Variants in ZBTB7C observed in about 807,000 individuals in gnomAD.
ZBTB7C encodes the protein zinc finger and BTB domain-containing protein 7C.
Under a neutral mutation model 25.7 loss-of-function variants are expected in ZBTB7C, and 8 were observed. The observed-to-expected ratio is 0.31, with a 90% CI of 0.18 to 0.56. The LOEUF is 0.56. Ranked by LOEUF, ZBTB7C falls within the 20% of genes least tolerant of loss-of-function variation. The pLI, the probability that ZBTB7C is intolerant of heterozygous loss-of-function variation, is 0.91. For missense variants in ZBTB7C, 824 were observed against 855.2 expected, an observed-to-expected ratio of 0.96 and a Z score of 0.46; for synonymous variants, 394 against 369.0, an observed-to-expected ratio of 1.07 and a Z score of -0.78.
chr18:48,311,159 C>A (rs1331445218), intron 2 of ZBTB7C, among the ~76,000 whole-genome samples: 1 of 152,148 alleles, frequency 6.6e-6, no homozygotes, highest in Admixed American at 6.5e-5. Context: ...ATAGCACCAT[C>A]TGCTTCCTAA....
At chr18:48,178,277 A>G (rs937355428) in intron 3 of ZBTB7C, among the ~76,000 whole-genome samples, 3 of 152,138 alleles carry the variant, frequency 2.0e-5, no homozygotes, top group African/African-American at 7.2e-5. Context: ...TCTGCACGGG[A>G]GGCCCCACAT....
chr18:48,358,122 G>A (rs543290330), intron 1 of ZBTB7C, among the ~76,000 whole-genome samples: 2 of 152,286 alleles, frequency 1.3e-5, no homozygotes, highest in Admixed American at 6.5e-5. Flanking sequence ...AGGCCGAGGC[G>A]GGTGGATCAG....
rs544956996 is a variant in ZBTB7C at position 48,186,644 on chromosome 18, G to A, written c.-78-649C>T. ...TGAACTGTGAATTCTCCTGCATTTC[G>A]CCTGAGTGTGTCATCACTGTAAAGT... On this transcript the variant is annotated intron_variant, in intron 2 of 4. Coordinates refer to ENST00000590800, the MANE Select transcript of ZBTB7C (RefSeq NM_001318841.2). 5.9e-5 allele frequency among the ~76,000 whole-genome samples: 9 copies of A among 152,168 alleles called. No individual in the cohort carries two copies. In the East Asian group the frequency reaches 9.7e-4, roughly 16 times the overall value.
At chr18:48,205,821 C>T (rs1009982321) in intron 2 of ZBTB7C, among the ~76,000 whole-genome samples, 22 of 152,084 alleles carry the variant, frequency 1.4e-4, no homozygotes, top group Non-Finnish European at 1.8e-4. Context: ...CCCTAGGGAT[C>T]CCTGGCCATT....
intron 1 of ZBTB7C, among the ~76,000 whole-genome samples, chr18:48,373,678 T>C (rs1446527786): frequency 2.0e-5 from 3 of 152,172 alleles, no homozygotes; most frequent in African/African-American, 7.2e-5. Context: ...TAAAAGTCTG[T>C]GGGCCGGGCA....
At chr18:48,383,648 T>C (rs553378661) in intron 1 of ZBTB7C, among the ~76,000 whole-genome samples, 1 of 152,330 alleles carries the variant, frequency 6.6e-6, no homozygotes, top group East Asian at 1.9e-4. Flanking sequence ...CTTTTTGATG[T>C]TTGGATTGCC....
chr18:48,180,726 C>G (rs2041895507), intron 3 of ZBTB7C, among the ~76,000 whole-genome samples: 1 of 152,180 alleles, frequency 6.6e-6, no homozygotes. Context: ...CTACCAGGAT[C>G]AGGTATCTTA....
chr18:48,177,732 T>C (rs79422320), intron 3 of ZBTB7C, among the ~76,000 whole-genome samples: 14,580 of 152,052 alleles, frequency 0.096, 851 homozygotes, highest in Admixed American at 0.2. Flanking sequence ...GTCTTCCACT[T>C]GTCCCTCCCA....
At chr18:48,299,165 A>G (rs2045477931) in intron 2 of ZBTB7C, among the ~76,000 whole-genome samples, 1 of 152,168 alleles carries the variant, frequency 6.6e-6, no homozygotes, top group African/African-American at 2.4e-5. Context: ...TCAGAGGGAG[A>G]GGCCTGGAGG....
intron 3 of ZBTB7C, among the ~76,000 whole-genome samples, chr18:48,085,024 C>G (rs2038141782): frequency 6.6e-6 from 1 of 152,078 alleles, no homozygotes; most frequent in Non-Finnish European, 1.5e-5. Context: ...AATGCCCAGC[C>G]CCCGGGAATG....
intron 3 of ZBTB7C, among the ~76,000 whole-genome samples, chr18:48,185,617 T>C (rs1568286892): frequency 1.3e-5 from 2 of 149,216 alleles, no homozygotes; most frequent in Non-Finnish European, 3.0e-5. Context: ...TGGCCCCAAG[T>C]AAAAAAAAAA....
At position 48,029,177 on chromosome 18, in the gene ZBTB7C, G is replaced by C; in HGVS notation, c.*83C>G. 7.0e-7 allele frequency: 1 copy of C among 1,436,512 alleles called. No homozygotes were observed. The highest frequency in any genetic ancestry group is 9.1e-7 in the Non-Finnish European group (1 of 1,098,006). The allele number at this position is 1,436,512 out of a possible 1,614,324, so 89.0% of individuals were successfully genotyped here. ...TCCCTTTGTGTTTTTAAAATGAAAA[G>C]TTCAGATCCATGGGGTAGGGTAGAG... On this transcript the variant is annotated 3_prime_UTR_variant, in exon 5 of 5. Transcript: ENST00000590800.
At chr18:48,043,701 A>G (rs1425101606) in intron 3 of ZBTB7C, among the ~76,000 whole-genome samples, 1 of 151,710 alleles carries the variant, frequency 6.6e-6, no homozygotes, top group Non-Finnish European at 1.5e-5. Flanking sequence ...ATATTGTACT[A>G]TGGTTTTGCA....
chr18:48,382,831 A>C (rs2047663003), intron 1 of ZBTB7C, among the ~76,000 whole-genome samples: 1 of 152,240 alleles, frequency 6.6e-6, no homozygotes, highest in Admixed American at 6.5e-5. Context: ...CTTAGAAGTA[A>C]AAAACTACCT....
intron 4 of ZBTB7C, among the ~76,000 whole-genome samples, chr18:48,036,941 C>A (rs939688645): frequency 2.6e-5 from 4 of 152,170 alleles, no homozygotes; most frequent in Admixed American, 2.0e-4. Flanking sequence ...GAATCCTTGC[C>A]GGGCAGTTCC....
intron 2 of ZBTB7C, among the ~76,000 whole-genome samples, chr18:48,303,648 G>A (rs2045596879): frequency 6.6e-6 from 1 of 152,176 alleles, no homozygotes; most frequent in Non-Finnish European, 1.5e-5. Flanking sequence ...TGGGTGGAGG[G>A]GAGCAATAGG....
intron 2 of ZBTB7C, among the ~76,000 whole-genome samples, chr18:48,262,917 C>T (rs1373612797): frequency 6.6e-6 from 1 of 152,200 alleles, no homozygotes; most frequent in Non-Finnish European, 1.5e-5. Flanking sequence ...CTGGGCCTCA[C>T]TGCAGAGCTG....
At chr18:48,260,766 G>C (rs1305614014) in intron 2 of ZBTB7C, among the ~76,000 whole-genome samples, 1 of 152,182 alleles carries the variant, frequency 6.6e-6, no homozygotes, top group Non-Finnish European at 1.5e-5. Flanking sequence ...TTCGCCATAA[G>C]ACCTTATCTG....
At chr18:48,213,934 A>G (rs2042762329) in intron 2 of ZBTB7C, among the ~76,000 whole-genome samples, 1 of 152,194 alleles carries the variant, frequency 6.6e-6, no homozygotes, top group African/African-American at 2.4e-5. Flanking sequence ...CACAGCTGTG[A>G]CAACGTGTGT....
Sources: allele counts gnomAD v4.1 joint callset (sites outside exome capture counted in the v4.1 genomes callset), GRCh38; gene constraint gnomAD v4.1.1; transcripts MANE v1.5; gene names NCBI Gene and HGNC (gene_info 2026-07-23, HGNC 2026-07-21).